GPR149: variants seen among roughly 807,000 people sequenced by gnomAD.
The protein encoded by GPR149 is probable G protein-coupled receptor 149.
In GPR149, 50 loss-of-function variants were observed where a neutral mutation model predicts 50.2. The observed-to-expected ratio is 1.00, with a 90% CI of 0.79 to 1.26. GPR149 has a LOEUF of 1.26. Among genes scored for constraint, GPR149 ranks in the 50% most tolerant of loss-of-function variants. The pLI is 0.00. For synonymous variants in GPR149, 405 were observed against 358.2 expected (o/e 1.13, Z -1.48); for missense variants, 983 against 895.4 (o/e 1.10, Z -1.25).
intron 3 of GPR149, among the ~76,000 whole-genome samples, chr3:154,384,228 T>A (rs1369191781): frequency 6.6e-6 from 1 of 152,214 alleles, no homozygotes; most frequent in Non-Finnish European, 1.5e-5. Flanking sequence ...TGAGATCTTA[T>A]TTTCAGTAAA....
chr3:154,352,887 C>A, intron 3 of GPR149: 2 of 893,776 alleles, frequency 2.2e-6, no homozygotes, highest in African/African-American at 1.6e-5. Flanking sequence ...AAATCCCTGT[C>A]CAGCTCTACC....
intron 3 of GPR149, chr3:154,353,009 C>G (rs1331870438): frequency 9.2e-6 from 12 of 1,307,604 alleles, no homozygotes; most frequent in Non-Finnish European, 1.3e-5. Context: ...TGGTTGCCAC[C>G]AAAACTTTAA....
intron 2 of GPR149, among the ~76,000 whole-genome samples, chr3:154,422,673 A>G (rs1475401684): frequency 6.6e-6 from 1 of 151,794 alleles, no homozygotes; most frequent in Non-Finnish European, 1.5e-5. Flanking sequence ...AATAGAATTT[A>G]TTAGTATCAT....
intron 3 of GPR149, among the ~76,000 whole-genome samples, chr3:154,400,403 G>T (rs1373379095): frequency 2.6e-5 from 4 of 152,168 alleles, no homozygotes; most frequent in Admixed American, 2.6e-4. Flanking sequence ...ATAATATGTA[G>T]TGGTTGTGTC....
At chr3:154,385,392 G>A (rs1715022703) in intron 3 of GPR149, among the ~76,000 whole-genome samples, 1 of 152,132 alleles carries the variant, frequency 6.6e-6, no homozygotes, top group Admixed American at 6.6e-5. Flanking sequence ...CAACACCCTT[G>A]GGTACAAATG....
rs1038952638 is a variant in GPR149 at position 154,421,031 on chromosome 3, T to G, written c.1623+8A>C. ...TCAATTTAACAGCAAGAACAACTTT[T>G]ACTGTACCTGACGAGGGGTTCTTTC... On this transcript the variant is annotated splice_region_variant and intron_variant, in intron 3 of 3. Coordinates refer to ENST00000389740, the MANE Select transcript of GPR149 (RefSeq NM_001038705.3). 2 of 1,576,810 alleles carry G rather than the reference T, an allele frequency of 1.3e-6. No homozygotes were observed. The highest frequency in any genetic ancestry group is 1.7e-6 in the Non-Finnish European group (2 of 1,162,528).
At chr3:154,355,989 G>A (rs1390521204) in intron 3 of GPR149, among the ~76,000 whole-genome samples, 1 of 152,178 alleles carries the variant, frequency 6.6e-6, no homozygotes, top group East Asian at 1.9e-4. Context: ...GATACAAAGA[G>A]CATCAAACTA....
chr3:154,361,020 A>G (rs943814987), intron 3 of GPR149, among the ~76,000 whole-genome samples: 1 of 152,118 alleles, frequency 6.6e-6, no homozygotes, highest in African/African-American at 2.4e-5. Context: ...TCTTCCCACT[A>G]CCTACATAGC....
chr3:154,357,695 C>T (rs1420613287), intron 3 of GPR149, among the ~76,000 whole-genome samples: 1 of 152,200 alleles, frequency 6.6e-6, no homozygotes, highest in Admixed American at 6.5e-5. Flanking sequence ...GTTGGTGGGA[C>T]TGTAAACTAG....
chr3:154,360,510 T>C (rs1320940296), intron 3 of GPR149, among the ~76,000 whole-genome samples: 5 of 152,186 alleles, frequency 3.3e-5, no homozygotes, highest in Admixed American at 6.5e-5. Flanking sequence ...GATGAGAACA[T>C]TGAGATGCAC....
chr3:154,347,903 GTATT>G (rs1329288554), intron 3 of GPR149, among the ~76,000 whole-genome samples: 2 of 152,206 alleles, frequency 1.3e-5, no homozygotes. Flanking sequence ...GACTATTGAA[GTATT>G]GCAAAGGCAA....
In GPR149 at chr3:154,422,597, T is replaced by C. The variant is rs75529208; in HGVS notation, c.1175-1110A>G. Among the ~76,000 whole-genome samples, 178 of 151,886 alleles carry C rather than the reference T, an allele frequency of 1.2e-3. 1 individual carries two copies. Among genetic ancestry groups the C allele is most frequent in the Admixed American group, 5.8e-3 (89 of 15,254 alleles). On this transcript the variant is annotated intron_variant, in intron 2 of 3. Transcript: ENST00000389740. Reference sequence around the variant, plus strand: ...GCAATATACCCGAGTGTCATTCATATGCTGATTCTATTACTGAAATGTTTC... The same window carrying C: ...GCAATATACCCGAGTGTCATTCATACGCTGATTCTATTACTGAAATGTTTC...
chr3:154,421,556 C>A (rs1297731206), intron 2 of GPR149, 69 bp from the exon 3 acceptor site: 6 of 718,220 alleles, frequency 8.4e-6, no homozygotes, highest in Admixed American at 3.6e-5. Context: ...ATATATATAG[C>A]AAATAAAAAT....
chr3:154,416,680 T>G (rs77353867), intron 3 of GPR149, among the ~76,000 whole-genome samples: 2,961 of 151,992 alleles, frequency 0.019, 101 homozygotes, highest in African/African-American at 0.068. Context: ...AAAATAAAAT[T>G]TCCTCGATTC....
chr3:154,426,625 G>T (rs1576933529), intron 2 of GPR149, among the ~76,000 whole-genome samples: 1 of 152,112 alleles, frequency 6.6e-6, no homozygotes, highest in Non-Finnish European at 1.5e-5. Flanking sequence ...TCCTGGCAGA[G>T]TCAAAATATA....
chr3:154,373,770 C>A (rs556292072), intron 3 of GPR149, among the ~76,000 whole-genome samples: 1 of 152,154 alleles, frequency 6.6e-6, no homozygotes, highest in East Asian at 1.9e-4. Context: ...TTTATTCAGG[C>A]ATCTATACCT....
intron 3 of GPR149, among the ~76,000 whole-genome samples, chr3:154,390,722 C>G (rs2108412264): frequency 6.6e-6 from 1 of 152,108 alleles, no homozygotes; most frequent in South Asian, 2.1e-4. Flanking sequence ...GGATGTTCCA[C>G]AAATTCAAAT....
chr3:154,372,847 G>T lies in GPR149; in HGVS notation c.1624-34576C>A, dbSNP rs73872841. On this transcript the variant is annotated intron_variant, in intron 3 of 3. Transcript: ENST00000389740. ...TACGTGGCTTGGGCAACTGAATGAT[G>T]ATGGTATTATTTTCAGAGACAGGAA... 9.3e-3 allele frequency among the ~76,000 whole-genome samples: 1,417 copies of T among 152,270 alleles called. 30 individuals carry two copies. The highest frequency in any genetic ancestry group is 0.031 in the African/African-American group (1,302 of 41,550).
chr3:154,390,606 G>A (rs1383140451), intron 3 of GPR149, among the ~76,000 whole-genome samples: 1 of 152,104 alleles, frequency 6.6e-6, no homozygotes, highest in Non-Finnish European at 1.5e-5. Context: ...CATTATGGGA[G>A]TGTAAGAAGA....
Sources: allele counts gnomAD v4.1 joint callset (sites outside exome capture counted in the v4.1 genomes callset), GRCh38; gene constraint gnomAD v4.1.1; transcripts MANE v1.5; gene names NCBI Gene and HGNC (gene_info 2026-07-23, HGNC 2026-07-21).